The following TMEM63C variants were observed in gnomAD, a reference collection of about 807,000 sequenced individuals.
TMEM63C encodes transmembrane protein 63C.
TMEM63C carries 32 observed loss-of-function variants against 99.2 expected under a neutral mutation model. The observed-to-expected ratio is 0.32, with a 90% CI of 0.24 to 0.43. TMEM63C has a LOEUF of 0.43. Among genes scored for constraint, TMEM63C ranks in the 20% least tolerant of loss-of-function variants. TMEM63C has a pLI of 1.00. For missense variants in TMEM63C, 826 were observed against 1,053.0 expected, an observed-to-expected ratio of 0.78 and a Z score of 2.98; for synonymous variants, 376 against 397.9, an observed-to-expected ratio of 0.94 and a Z score of 0.66.
chr14:77,219,370 C>T (rs1761211522), intron 3 of TMEM63C, 128 bp from the exon 4 acceptor site: 3 of 890,912 alleles, frequency 3.4e-6, no homozygotes, highest in East Asian at 2.4e-5. Context: ...CAACAGAGCT[C>T]ACCTTCTAGT....
intron 5 of TMEM63C, among the ~76,000 whole-genome samples, chr14:77,224,221 G>C (rs915031106): frequency 6.6e-6 from 1 of 151,920 alleles, no homozygotes; most frequent in Non-Finnish European, 1.5e-5. Context: ...TATTTCTTTT[G>C]TGCCTTCTCA....
intron 1 of TMEM63C, among the ~76,000 whole-genome samples, chr14:77,191,867 A>G (rs982452523): frequency 6.6e-6 from 1 of 152,068 alleles, no homozygotes; most frequent in African/African-American, 2.4e-5. Flanking sequence ...TCTTAGTGAT[A>G]TTCTGTCTGG....
chr14:77,221,969 C>T (rs181671958), intron 5 of TMEM63C, among the ~76,000 whole-genome samples: 43 of 152,040 alleles, frequency 2.8e-4, no homozygotes, highest in African/African-American at 9.4e-4. Context: ...TCCTCCACAC[C>T]GGGAGTCCCC....
intron 18 of TMEM63C, among the ~76,000 whole-genome samples, chr14:77,247,460 T>C (rs974157415): frequency 2.0e-5 from 3 of 151,758 alleles, no homozygotes; most frequent in African/African-American, 7.3e-5. Context: ...CTCAGCCTCC[T>C]AAAATGCTGG....
At chr14:77,194,513 C>T (rs1888174059) in intron 1 of TMEM63C, among the ~76,000 whole-genome samples, 1 of 39,730 alleles carries the variant, frequency 2.5e-5, no homozygotes, top group Non-Finnish European at 4.7e-5. Context: ...TTCTTTCTTT[C>T]TTTCTTTCTT....
At chr14:77,247,096 C>T (rs1889280039) in intron 18 of TMEM63C, among the ~76,000 whole-genome samples, 1 of 152,182 alleles carries the variant, frequency 6.6e-6, no homozygotes, top group African/African-American at 2.4e-5. Flanking sequence ...TTTATGTGCA[C>T]AAAATACATG....
intron 16 of TMEM63C, among the ~76,000 whole-genome samples, chr14:77,244,656 C>T (rs974643391): frequency 1.3e-5 from 2 of 152,204 alleles, no homozygotes; most frequent in African/African-American, 4.8e-5. Flanking sequence ...TGACTCTGGG[C>T]CCCTGGGTTG....
intron 2 of TMEM63C, among the ~76,000 whole-genome samples, chr14:77,217,648 C>T (rs1888611994): frequency 6.6e-6 from 1 of 152,220 alleles, no homozygotes; most frequent in Non-Finnish European, 1.5e-5. Context: ...CTACCGGACA[C>T]CTCCCATTTT....
intron 23 of TMEM63C, among the ~76,000 whole-genome samples, chr14:77,256,226 C>A (rs1176942683): frequency 1.3e-5 from 2 of 152,222 alleles, no homozygotes; most frequent in Non-Finnish European, 2.9e-5. Flanking sequence ...CATGTCACCT[C>A]CCCTGGATGC....
Position 77,229,613 on chromosome 14 carries a change from A to AATATATGTAT in TMEM63C, c.351-1969_351-1968insGTATATATAT, listed in dbSNP as rs1555348253. The stretch of plus-strand genomic sequence containing the variant: ...CAGGCACATGCTACCACACCCAGCT[A>AATATATGTAT]ATATATATATATATATATAGTAGAG... On this transcript the variant is annotated intron_variant, in intron 6 of 23. Coordinates refer to ENST00000298351, the MANE Select transcript of TMEM63C (RefSeq NM_020431.4). Among the ~76,000 whole-genome samples the AATATATGTAT allele has an allele frequency of 2.0e-3, 239 of 117,998 alleles. 3 individuals are homozygous for AATATATGTAT. The highest frequency in any genetic ancestry group is 6.6e-3 in the African/African-American group (227 of 34,242). 77.4% of individuals were successfully genotyped at this position (117,998 alleles called of 152,430 possible).
chr14:77,252,049 T>C (rs1889373286), intron 22 of TMEM63C, among the ~76,000 whole-genome samples, 151 bp downstream of exon 22: 1 of 141,312 alleles, frequency 7.1e-6, no homozygotes, highest in Admixed American at 7.3e-5. Context: ...CCAGTGTGCA[T>C]GCGTGCATGC....
chr14:77,195,538 A>C (rs1051617223), intron 1 of TMEM63C, among the ~76,000 whole-genome samples: 7 of 152,162 alleles, frequency 4.6e-5, no homozygotes, highest in Non-Finnish European at 1.0e-4. Flanking sequence ...GGGTCAAGGT[A>C]GCGCCCTTCC....
intron 12 of TMEM63C, 61 bp from the exon 13 acceptor site, chr14:77,240,414 G>A (rs1889146671): frequency 8.4e-6 from 13 of 1,540,318 alleles, no homozygotes; most frequent in South Asian, 6.1e-5. Flanking sequence ...GAGGAACCTC[G>A]TGACCAGGGA....
At chr14:77,206,534 A>G (rs1400719468) in intron 1 of TMEM63C, among the ~76,000 whole-genome samples, 2 of 152,310 alleles carry the variant, frequency 1.3e-5, no homozygotes, top group East Asian at 3.9e-4. Flanking sequence ...CAGGGGAGAG[A>G]GAGGAGATGG....
intron 22 of TMEM63C, among the ~76,000 whole-genome samples, chr14:77,252,827 A>G (rs139969385): frequency 2.2e-3 from 339 of 152,206 alleles, no homozygotes; most frequent in African/African-American, 7.9e-3. Context: ...GGAACACCAC[A>G]CTAGTGAAGG....
intron 21 of TMEM63C, among the ~76,000 whole-genome samples, chr14:77,251,311 C>T (rs565299305): frequency 3.2e-4 from 49 of 152,234 alleles, no homozygotes; most frequent in Middle Eastern, 3.4e-3. Context: ...AAACTGCTGC[C>T]GTAAAAAAGG....
At chr14:77,219,384 G>C in intron 3 of TMEM63C, 114 bp from the exon 4 acceptor site, 2 of 1,019,476 alleles carry the variant, frequency 2.0e-6, no homozygotes, top group Non-Finnish European at 3.0e-6. Context: ...TTCTAGTGGA[G>C]GAGCTCCCTG....
At chr14:77,203,540 G>A (rs1298181955) in intron 1 of TMEM63C, among the ~76,000 whole-genome samples, 2 of 152,306 alleles carry the variant, frequency 1.3e-5, no homozygotes, top group East Asian at 1.9e-4. Flanking sequence ...TCCATGTGCC[G>A]TCTGCATCTT....
At chr14:77,242,318 C>CCA in intron 13 of TMEM63C, 29 bp from the exon 14 acceptor site, 1 of 1,596,968 alleles carries the variant, frequency 6.3e-7, no homozygotes, top group Non-Finnish European at 8.6e-7. Flanking sequence ...CCCAGACCCA[C>CCA]ATTTCTTCCT....
Sources: gnomAD v4.1 joint callset for allele counts (sites outside exome capture counted in the v4.1 genomes callset) on GRCh38, gnomAD v4.1.1 for gene constraint, MANE v1.5 for transcripts, NCBI Gene and HGNC (gene_info 2026-07-23, HGNC 2026-07-21) for gene names.